Variants in PAN3 observed in about 807,000 individuals in gnomAD.
The protein encoded by PAN3 is PAN2-PAN3 deadenylation complex subunit PAN3.
A neutral mutation model predicts 96.2 loss-of-function variants in PAN3; 19 were observed. That is an observed-to-expected ratio of 0.20 (90% CI 0.14 to 0.29). PAN3 has a LOEUF of 0.29. Among genes scored for constraint, PAN3 ranks in the 10% least tolerant of loss-of-function variants. PAN3 has a pLI of 1.00. For missense variants in PAN3, 882 were observed against 1,108.1 expected, an observed-to-expected ratio of 0.80 and a Z score of 2.90; for synonymous variants, 433 against 406.6, an observed-to-expected ratio of 1.06 and a Z score of -0.78.
At chr13:28,287,068 T>C (rs757957493) in intron 17 of PAN3, among the ~76,000 whole-genome samples, 2 of 152,152 alleles carry the variant, frequency 1.3e-5, no homozygotes, top group Non-Finnish European at 2.9e-5. Context: ...TTTCTTCTCT[T>C]TTCTCCCCCA....
intron 4 of PAN3, among the ~76,000 whole-genome samples, chr13:28,180,166 C>T (rs1322683534): frequency 6.6e-6 from 1 of 152,154 alleles, no homozygotes; most frequent in African/African-American, 2.4e-5. Flanking sequence ...AGCATGACCT[C>T]ATCATTACCA....
chr13:28,271,532 GT>G (rs1886625641), intron 13 of PAN3, among the ~76,000 whole-genome samples: 1 of 152,196 alleles, frequency 6.6e-6, no homozygotes, highest in Non-Finnish European at 1.5e-5. Context: ...TATTAGACAA[GT>G]GTACTACTAA....
In PAN3 at chr13:28,293,269, C is replaced by T. The variant is rs1204078673; in HGVS notation, c.*747C>T. ...TAGAGCCTTTTTAAAAAGACATTTG[C>T]CTGCTAGTCAGATACATTTACATTT... On this transcript the variant is annotated 3_prime_UTR_variant, in exon 19 of 19. Transcript: ENST00000380958. The T allele has an allele frequency of 6.6e-6, 1 of 151,804 alleles. No individual in the cohort carries two copies. Among genetic ancestry groups the T allele is most frequent in the East Asian group, 1.9e-4 (1 of 5,182 alleles). The allele number at this position is 151,804 out of a possible 1,614,324, so 9.4% of individuals were successfully genotyped here. A position where few individuals can be genotyped will look rare whatever the true frequency, so the allele number is the denominator to read the frequency against.
intron 6 of PAN3, among the ~76,000 whole-genome samples, chr13:28,225,099 A>C (rs1881855427): frequency 6.6e-6 from 1 of 152,226 alleles, no homozygotes; most frequent in African/African-American, 2.4e-5. Context: ...TTTTTTAAAA[A>C]TACGGAAAAG....
intron 6 of PAN3, among the ~76,000 whole-genome samples, chr13:28,224,064 G>A (rs1010943262): frequency 3.3e-5 from 5 of 151,194 alleles, no homozygotes; most frequent in African/African-American, 1.2e-4. Flanking sequence ...GTAGAGACAG[G>A]GTTTCACCAT....
chr13:28,253,537 G>GC (rs1362781147), intron 6 of PAN3, among the ~76,000 whole-genome samples: 2 of 150,980 alleles, frequency 1.3e-5, no homozygotes, highest in Non-Finnish European at 2.9e-5. Context: ...ATCCTTATTG[G>GC]CGGGGGTGGT....
At chr13:28,274,305 C>T (rs542900231) in intron 14 of PAN3, among the ~76,000 whole-genome samples, 7 of 151,858 alleles carry the variant, frequency 4.6e-5, no homozygotes, top group East Asian at 1.9e-4. Context: ...TAGTTGGCTC[C>T]GATTAATTTT....
Position 28,266,812 on chromosome 13 carries a change from T to G in PAN3, c.1509T>G (p.Ile503Met). ...AGAAATCAAGTAATTTTGGATATAT[T>G]ACATCTTGCTACAAAGCTGTAAACA... ...RIQKSSNFGY[I>M]TSCYKAVNSK... is the part of the protein sequence containing the mutation. Residue 503 changes from isoleucine to methionine, a missense_variant, in exon 10 of 19, where the codon ATT (isoleucine) becomes ATG (methionine). By Grantham distance (10) the Ile-to-Met change is conservative. Transcript: ENST00000380958. The G allele has an allele frequency of 6.2e-7, 1 of 1,611,750 alleles. No homozygotes were observed. Among genetic ancestry groups the G allele is most frequent in the Non-Finnish European group, 8.5e-7 (1 of 1,178,942 alleles).
chr13:28,151,221 A>G (rs1871319489), intron 1 of PAN3, among the ~76,000 whole-genome samples: 1 of 152,146 alleles, frequency 6.6e-6, no homozygotes, highest in Admixed American at 6.6e-5. Context: ...TAAGGTTTTA[A>G]AAGAGTTCTG....
intron 4 of PAN3, among the ~76,000 whole-genome samples, chr13:28,183,992 T>C (rs1156380153): frequency 6.6e-6 from 1 of 152,180 alleles, no homozygotes; most frequent in Non-Finnish European, 1.5e-5. Context: ...TATCAGGCTG[T>C]ACTAAAATTG....
chr13:28,213,962 T>G (rs1046925000), intron 5 of PAN3, among the ~76,000 whole-genome samples: 13 of 152,138 alleles, frequency 8.5e-5, no homozygotes, highest in African/African-American at 3.1e-4. Flanking sequence ...CAACTTGATC[T>G]CTTATACAGT....
chr13:28,172,061 A>G (rs906294670), intron 1 of PAN3, among the ~76,000 whole-genome samples: 2 of 152,236 alleles, frequency 1.3e-5, no homozygotes, highest in African/African-American at 4.8e-5. Flanking sequence ...CCTAGTGCCT[A>G]TCACTTAGGA....
chr13:28,150,653 A>G (rs1011223183), intron 1 of PAN3, among the ~76,000 whole-genome samples: 1 of 151,996 alleles, frequency 6.6e-6, no homozygotes, highest in South Asian at 2.1e-4. Flanking sequence ...AAAAAAAAAA[A>G]AGATTTAATG....
At chr13:28,281,991 G>A (rs1032478015) in intron 17 of PAN3, among the ~76,000 whole-genome samples, 1 of 152,086 alleles carries the variant, frequency 6.6e-6, no homozygotes, top group African/African-American at 2.4e-5. Flanking sequence ...GGGTGGTCTG[G>A]TCTTGAACTC....
intron 7 of PAN3, among the ~76,000 whole-genome samples, chr13:28,257,747 A>AAATT (rs1885309703): frequency 8.7e-6 from 1 of 114,292 alleles, no homozygotes; most frequent in Non-Finnish European, 2.0e-5. Context: ...AATTATATAT[A>AAATT]ATATATAATT....
chr13:28,189,546 A>C (rs945711930), intron 4 of PAN3, among the ~76,000 whole-genome samples: 8 of 151,204 alleles, frequency 5.3e-5, no homozygotes, highest in African/African-American at 1.2e-4. Context: ...AAACAAAAAA[A>C]CTCTCAGTGT....
intron 17 of PAN3, among the ~76,000 whole-genome samples, chr13:28,282,341 T>G (rs976069012): frequency 1.3e-5 from 1 of 78,560 alleles, no homozygotes; most frequent in African/African-American, 1.2e-4. Context: ...TGAGGGGTTG[T>G]TTTTTTTTTT....
intron 1 of PAN3, among the ~76,000 whole-genome samples, chr13:28,150,982 C>T (rs1871290318): frequency 6.6e-6 from 1 of 151,992 alleles, no homozygotes; most frequent in African/African-American, 2.4e-5. Context: ...GAGTAAGAGG[C>T]AATGGGAGTG....
intron 1 of PAN3, among the ~76,000 whole-genome samples, chr13:28,141,841 G>A (rs1215919731): frequency 3.3e-5 from 5 of 152,100 alleles, no homozygotes; most frequent in Non-Finnish European, 7.3e-5. Context: ...AAGATGGGAG[G>A]GGAAGGTAAG....
Sources: allele counts gnomAD v4.1 joint callset (sites outside exome capture counted in the v4.1 genomes callset), GRCh38; gene constraint gnomAD v4.1.1; transcripts MANE v1.5; gene names NCBI Gene and HGNC (gene_info 2026-07-23, HGNC 2026-07-21).